Variants in PARK7 observed in about 807,000 individuals in gnomAD.
PARK7 encodes the protein Parkinsonism associated deglycase.
In PARK7, 14 loss-of-function variants were observed where a neutral mutation model predicts 20.5. That is an observed-to-expected ratio of 0.68 (90% CI 0.45 to 1.07). PARK7 has a LOEUF of 1.07. Among genes scored for constraint, PARK7 ranks in the 50% least tolerant of loss-of-function variants. PARK7 has a pLI of 0.00. For synonymous variants in PARK7, 98 were observed against 84.3 expected (o/e 1.16, Z -0.89); for missense variants, 234 against 238.1 (o/e 0.98, Z 0.11).
Position 7,984,806 on chromosome 1 carries a change from G to T in PARK7, c.410-88G>T. 1 of 1,494,046 alleles carries T rather than the reference G, an allele frequency of 6.7e-7. No individual in the cohort carries two copies. The highest frequency in any genetic ancestry group is 9.3e-7 in the Non-Finnish European group (1 of 1,076,538). The allele number at this position is 1,494,046 out of a possible 1,614,324, so 92.5% of individuals were successfully genotyped here. ...GTTAGCTACAGTGTTGGGTTTATATGCTGTAATAGTGAATTTAATTGGTAA... is the reference window on the plus strand; with the variant it reads ...GTTAGCTACAGTGTTGGGTTTATATTCTGTAATAGTGAATTTAATTGGTAA... On this transcript the variant is annotated intron_variant, in intron 6 of 6. Transcript: ENST00000338639. This position sits in a 1 kb window ranked among gnomAD's most constrained non-coding sequence, Gnocchi z 4.3.
chr1:7,965,817 A>T (rs909223873), intron 3 of PARK7, among the ~76,000 whole-genome samples: 1 of 151,834 alleles, frequency 6.6e-6, no homozygotes, highest in African/African-American at 2.4e-5. Flanking sequence ...TATTATTATT[A>T]TTTTTGTTTA....
At position 7,965,320 on chromosome 1, in the gene PARK7, G is replaced by T; in HGVS notation, c.91-4G>T. 1 of 1,612,170 alleles carries T rather than the reference G, an allele frequency of 6.2e-7. No individual in the cohort carries two copies. On this transcript the variant is annotated splice_region_variant and splice_polypyrimidine_tract_variant and intron_variant, in intron 2 of 6. Coordinates refer to ENST00000338639, the MANE Select transcript of PARK7 (RefSeq NM_007262.5). ...TCTTAAATATGATAACATCTTTCTC[G>T]TAGATTAAGGTCACCGTTGCAGGCC... is the stretch of plus-strand genomic sequence containing the variant.
intron 5 of PARK7, among the ~76,000 whole-genome samples, chr1:7,972,116 G>A (rs1033482990): frequency 4.6e-5 from 7 of 152,142 alleles, no homozygotes; most frequent in African/African-American, 1.7e-4. Context: ...TGATACATTC[G>A]AGTATCAGTG....
chr1:7,969,871 C>G (rs906176036), intron 4 of PARK7, among the ~76,000 whole-genome samples: 30 of 152,172 alleles, frequency 2.0e-4, no homozygotes, highest in African/African-American at 7.0e-4. Context: ...AGCCACCACT[C>G]CCGACCTCAA....
intron 2 of PARK7, among the ~76,000 whole-genome samples, chr1:7,963,386 C>CT (rs34942518): frequency 0.072 from 10,166 of 140,908 alleles, 1,430 homozygotes; most frequent in East Asian, 0.57. Flanking sequence ...CTTTTTTCTT[C>CT]TTTTTTTTTT....
intron 5 of PARK7, among the ~76,000 whole-genome samples, chr1:7,972,293 A>G (rs576072229): frequency 2.2e-4 from 34 of 152,130 alleles, no homozygotes; most frequent in Non-Finnish European, 4.1e-4. Flanking sequence ...CCAGACCCCC[A>G]TCTCAACAAA....
At chr1:7,962,232 A>C (rs891480388) in intron 1 of PARK7, 2 of 153,624 alleles carry the variant, frequency 1.3e-5, no homozygotes, top group Non-Finnish European at 2.9e-5. Flanking sequence ...GTCATTAAAA[A>C]AAGTGTTCAG....
rs200171095 is a variant in PARK7, at chr1:7,985,448, A to AT, written c.*398dup. The stretch of plus-strand genomic sequence containing the variant: ...ACAAACAGAATTTAAGAGGCTTGTG[A>AT]TTTTCTCTGCTTATTAGCTGTGTGT... On this transcript the variant is annotated 3_prime_UTR_variant, in exon 7 of 7. Transcript: ENST00000338639. The AT allele has an allele frequency of 4.9e-3, 1,416 of 290,446 alleles. 10 individuals carry two copies. Among genetic ancestry groups the AT allele is most frequent in the Middle Eastern group, 7.9e-3 (6 of 760 alleles). The allele number at this position is 290,446 out of a possible 1,614,324, so 18.0% of individuals were successfully genotyped here.
At chr1:7,981,340 G>T (rs74053410) in intron 6 of PARK7, among the ~76,000 whole-genome samples, 9,149 of 152,254 alleles carry the variant, frequency 0.06, 904 homozygotes, top group African/African-American at 0.21. Flanking sequence ...TGTTTGCTAG[G>T]TTGGTGTCAT....
chr1:7,964,164 T>G (rs915427529), intron 2 of PARK7, among the ~76,000 whole-genome samples: 10 of 152,172 alleles, frequency 6.6e-5, no homozygotes, highest in African/African-American at 2.4e-4. Flanking sequence ...TTTGCGTGTT[T>G]ATATATTATC....
intron 6 of PARK7, among the ~76,000 whole-genome samples, chr1:7,980,427 C>T (rs926376241): frequency 4.6e-5 from 7 of 152,076 alleles, no homozygotes; most frequent in African/African-American, 1.7e-4. Flanking sequence ...AGAAAAAGAT[C>T]AGATTGTTGA....
chr1:7,967,266 G>A (rs1269946428), intron 3 of PARK7, among the ~76,000 whole-genome samples: 1 of 152,114 alleles, frequency 6.6e-6, no homozygotes, highest in Non-Finnish European at 1.5e-5. Context: ...TTTTATGGCT[G>A]GATAGTATCC....
chr1:7,968,239 C>T (rs969007128), intron 3 of PARK7, among the ~76,000 whole-genome samples: 2 of 139,122 alleles, frequency 1.4e-5, no homozygotes, highest in African/African-American at 2.7e-5. Flanking sequence ...ATCCGGGAGA[C>T]GGAAGTTGCA....
chr1:7,978,023 G>C (rs1483319100), intron 6 of PARK7, among the ~76,000 whole-genome samples: 4 of 113,278 alleles, frequency 3.5e-5, no homozygotes, highest in Non-Finnish European at 6.7e-5. Context: ...TTGAGACAGA[G>C]TCTCGCTCTG....
intron 6 of PARK7, among the ~76,000 whole-genome samples, chr1:7,978,226 GA>G (rs1640628862): frequency 6.6e-6 from 1 of 151,614 alleles, no homozygotes; most frequent in Non-Finnish European, 1.5e-5. Context: ...TTGAACTTCT[GA>G]CCTTGTGATC....
chr1:7,972,905 G>A (rs1162467789), intron 5 of PARK7, among the ~76,000 whole-genome samples: 4 of 152,156 alleles, frequency 2.6e-5, no homozygotes, highest in Admixed American at 6.6e-5. Flanking sequence ...TGGGCAGTTA[G>A]CTGGGTATGG....
intron 3 of PARK7, among the ~76,000 whole-genome samples, chr1:7,965,802 T>C (rs2151428938): frequency 6.6e-6 from 1 of 152,222 alleles, no homozygotes; most frequent in Non-Finnish European, 1.5e-5. Context: ...ACATTTTCCA[T>C]TTTTTATTAT....
chr1:7,978,459 C>T (rs1395240183), intron 6 of PARK7, among the ~76,000 whole-genome samples: 4 of 149,112 alleles, frequency 2.7e-5, no homozygotes, highest in Non-Finnish European at 5.9e-5. Flanking sequence ...GTGGTGTGAT[C>T]TCAGCTCACT....
In PARK7 at chr1:7,974,521, C is replaced by T. The variant is rs536821483; in HGVS notation, c.323-3131C>T. 7.4e-3 allele frequency among the ~76,000 whole-genome samples: 1,110 copies of T among 150,900 alleles called. 14 individuals carry two copies. Among genetic ancestry groups the T allele is most frequent in the Middle Eastern group, 0.025 (7 of 284 alleles). ...GCGGGTGCCTGTAGTCCCAGCTACTCGGGAGGCTGAGGCAGGAGAATGGTG... is the reference window on the plus strand; with the variant it reads ...GCGGGTGCCTGTAGTCCCAGCTACTTGGGAGGCTGAGGCAGGAGAATGGTG... On this transcript the variant is annotated intron_variant, in intron 5 of 6. Transcript: ENST00000338639.
Sources: allele counts gnomAD v4.1 joint callset (sites outside exome capture counted in the v4.1 genomes callset), GRCh38; gene constraint gnomAD v4.1.1; non-coding constraint Gnocchi (gnomAD v3.1); transcripts MANE v1.5; gene names NCBI Gene and HGNC (gene_info 2026-07-23, HGNC 2026-07-21).